Variants in AKAP6 observed in about 807,000 individuals in gnomAD.
AKAP6 encodes A-kinase anchoring protein 6.
AKAP6 carries 58 observed loss-of-function variants against 188.5 expected under a neutral mutation model. The ratio of observed to expected loss-of-function variants is 0.31; its 90% CI spans 0.25 to 0.38. The LOEUF (loss-of-function observed/expected upper bound fraction) is 0.38. AKAP6 is among the 10% of genes least tolerant of loss of function. The pLI is 1.00. For missense variants in AKAP6, 2,710 were observed against 2,740.0 expected (o/e 0.99, Z 0.24); for synonymous variants, 989 against 998.6 (o/e 0.99, Z 0.18).
intron 12 of AKAP6, among the ~76,000 whole-genome samples, chr14:32,780,329 A>G (rs981587243): frequency 6.6e-6 from 1 of 151,930 alleles, no homozygotes; most frequent in Non-Finnish European, 1.5e-5. Context: ...TCACTTATAT[A>G]TGGAATCTAA....
chr14:32,545,460 C>A lies in AKAP6; in HGVS notation c.807C>A (p.Ile269=), dbSNP rs780513034. The A allele has an allele frequency of 2.5e-6, 4 of 1,614,052 alleles. No homozygotes were observed. The African/African-American group carries it at 5.3e-5, about 22-fold the overall frequency. ...SEMEKEFPEL[I]RSVGLLTVAA... ...TGGAAAAGGAGTTTCCTGAGCTTAT[C>A]CGAAGTGTTGGTTTACTTACGGTAG... is the stretch of plus-strand genomic sequence containing the variant. Residue 269 remains isoleucine (I), a synonymous_variant, in exon 4 of 14, where the codon ATC becomes ATA. Transcript: ENST00000280979.
chr14:32,391,492 G>C (rs988684892), intron 1 of AKAP6, among the ~76,000 whole-genome samples: 1 of 152,176 alleles, frequency 6.6e-6, no homozygotes, highest in African/African-American at 2.4e-5. Flanking sequence ...TAAGAGGTTT[G>C]CTTTCCTTCA....
At chr14:32,456,045 C>A (rs780806396) in intron 2 of AKAP6, among the ~76,000 whole-genome samples, 1 of 150,666 alleles carries the variant, frequency 6.6e-6, no homozygotes, top group Admixed American at 6.6e-5. Context: ...TGTTTTTTTT[C>A]GGTGGTAGAG....
In AKAP6 at chr14:32,822,729, T is replaced by G; in HGVS notation, c.4916T>G (p.Leu1639Trp). 6.2e-7 allele frequency: 1 copy of G among 1,613,934 alleles called. No homozygotes were observed. The highest frequency in any genetic ancestry group is 8.5e-7 in the Non-Finnish European group (1 of 1,179,912). Residue 1639 changes from leucine (L) to tryptophan (W), a missense_variant, in exon 13 of 14, where the codon TTG (leucine) becomes TGG (tryptophan). Around this residue, in one of 2 missense-constraint regions of AKAP6, gnomAD observed 2,473 missense variants for 2,426.1 expected, o/e 1.02. Coordinates refer to ENST00000280979, the MANE Select transcript of AKAP6 (RefSeq NM_004274.5). Reference sequence around the variant, plus strand: ...AGAACATTAGATCTCCTGAATCGTTTGGAGAATATCCAGAGCCCCTCAGAG... The same window carrying G: ...AGAACATTAGATCTCCTGAATCGTTGGGAGAATATCCAGAGCCCCTCAGAG... ...SKRTLDLLNRLENIQSPSEQK... is the reference protein window; with the variant it reads ...SKRTLDLLNRWENIQSPSEQK...
intron 8 of AKAP6, among the ~76,000 whole-genome samples, chr14:32,680,652 C>T (rs1294711302): frequency 3.9e-5 from 6 of 152,112 alleles, no homozygotes; most frequent in Non-Finnish European, 7.3e-5. Context: ...ATTATATGTA[C>T]TAATGTAGCT....
At chr14:32,486,955 A>G (rs11844791) in intron 2 of AKAP6, among the ~76,000 whole-genome samples, 101,887 of 152,098 alleles carry the variant, frequency 0.67, 35,581 homozygotes, top group East Asian at 0.89. Flanking sequence ...CTGTGGGTTC[A>G]TCATAAATAG....
intron 12 of AKAP6, among the ~76,000 whole-genome samples, chr14:32,808,932 G>A (rs1030255588): frequency 6.6e-6 from 1 of 152,132 alleles, no homozygotes; most frequent in Non-Finnish European, 1.5e-5. Context: ...GCTGCTTCAG[G>A]GAGCACTAAT....
At chr14:32,772,279 G>A (rs890857816) in intron 11 of AKAP6, among the ~76,000 whole-genome samples, 9 of 152,034 alleles carry the variant, frequency 5.9e-5, no homozygotes, top group African/African-American at 2.2e-4. Flanking sequence ...TGTCAGACAT[G>A]GTGGTTATAT....
At chr14:32,762,094 A>G (rs1005919954) in intron 11 of AKAP6, among the ~76,000 whole-genome samples, 1 of 152,212 alleles carries the variant, frequency 6.6e-6, no homozygotes, top group African/African-American at 2.4e-5. Flanking sequence ...ATTTTGTAGT[A>G]TAATGGCTAA....
intron 6 of AKAP6, among the ~76,000 whole-genome samples, 157 bp from the exon 7 acceptor site, chr14:32,600,472 C>A (rs1439667434): frequency 1.3e-5 from 2 of 152,076 alleles, no homozygotes; most frequent in African/African-American, 4.8e-5. Flanking sequence ...TTGCCTGTCT[C>A]TATTCTGAGT....
intron 7 of AKAP6, among the ~76,000 whole-genome samples, chr14:32,640,405 C>G (rs369424652): frequency 5.9e-5 from 9 of 152,020 alleles, no homozygotes; most frequent in Non-Finnish European, 1.2e-4. Flanking sequence ...GATTTAGGCC[C>G]TAGAGAGGAA....
intron 7 of AKAP6, among the ~76,000 whole-genome samples, chr14:32,647,219 C>T (rs1172636107): frequency 6.6e-6 from 1 of 152,130 alleles, no homozygotes; most frequent in Non-Finnish European, 1.5e-5. Flanking sequence ...CTCAGGCCAA[C>T]ATCCCTTATC....
At chr14:32,717,446 A>G (rs756536871) in intron 9 of AKAP6, among the ~76,000 whole-genome samples, 2 of 152,042 alleles carry the variant, frequency 1.3e-5, no homozygotes, top group Non-Finnish European at 2.9e-5. Context: ...TTTAGGATTT[A>G]TTCCCTGTAG....
intron 3 of AKAP6, among the ~76,000 whole-genome samples, chr14:32,540,154 CTCTCTCTCTCTCTCTA>C (rs1261791949): frequency 9.5e-5 from 11 of 116,358 alleles, no homozygotes; most frequent in African/African-American, 3.5e-4. Flanking sequence ...CTCTCTCTCT[CTCTCTCTCTCTCTCTA>C]TATATATATA....
intron 12 of AKAP6, among the ~76,000 whole-genome samples, chr14:32,804,302 C>A (rs1182740171): frequency 1.3e-5 from 2 of 152,302 alleles, no homozygotes; most frequent in East Asian, 3.9e-4. Context: ...ATCTTACCTG[C>A]TTCTCCAGGC....
At chr14:32,564,179 GA>G (rs776609699) in intron 4 of AKAP6, among the ~76,000 whole-genome samples, 28 of 152,190 alleles carry the variant, frequency 1.8e-4, no homozygotes, top group Non-Finnish European at 3.4e-4. Context: ...ATAATGACAA[GA>G]AGAAAAAGTC....
chr14:32,701,334 G>T (rs1890613535), intron 9 of AKAP6, among the ~76,000 whole-genome samples: 1 of 152,226 alleles, frequency 6.6e-6, no homozygotes, highest in Admixed American at 6.5e-5. Context: ...TGATCCCAAT[G>T]TTATATTTTG....
chr14:32,464,732 G>A (rs1432278007), intron 2 of AKAP6, among the ~76,000 whole-genome samples: 1 of 152,162 alleles, frequency 6.6e-6, no homozygotes, highest in East Asian at 1.9e-4. Flanking sequence ...CATAGCACTG[G>A]AAGTTCTGGT....
intron 1 of AKAP6, among the ~76,000 whole-genome samples, chr14:32,372,375 G>C (rs566534142): frequency 2.0e-5 from 3 of 151,914 alleles, no homozygotes; most frequent in African/African-American, 4.8e-5. Flanking sequence ...TTAGCAGGCC[G>C]AGGAGGGGAT....
Sources: gnomAD v4.1 joint callset for allele counts (sites outside exome capture counted in the v4.1 genomes callset) on GRCh38, gnomAD v4.1.1 for gene constraint, gnomAD v4.1.1 regional missense constraint, MANE v1.5 for transcripts, NCBI Gene and HGNC (gene_info 2026-07-23, HGNC 2026-07-21) for gene names.